The following SEC61A2 variants were observed in gnomAD, a reference collection of about 807,000 sequenced individuals.
The protein encoded by SEC61A2 is SEC61 translocon subunit alpha 2.
SEC61A2 carries 28 observed loss-of-function variants against 59.9 expected under a neutral mutation model. The observed-to-expected ratio is 0.47, with a 90% confidence interval of 0.35 to 0.64. The LOEUF (loss-of-function observed/expected upper bound fraction) is 0.64. SEC61A2 is among the 30% of genes least tolerant of loss of function. The pLI, the probability that SEC61A2 is intolerant of heterozygous loss-of-function variation, is 0.01. For synonymous variants in SEC61A2, 202 were observed against 214.4 expected, an observed-to-expected ratio of 0.94 and a Z score of 0.50; for missense variants, 340 against 585.9, an observed-to-expected ratio of 0.58 and a Z score of 4.33.
Position 12,158,713 on chromosome 10 carries a change from G to C in SEC61A2, c.975+608G>C, listed in dbSNP as rs1194978047. 2.0e-5 allele frequency among the ~76,000 whole-genome samples: 3 copies of C among 152,214 alleles called. No individual in the cohort carries two copies. The highest frequency in any genetic ancestry group is 2.1e-4 in the South Asian group (1 of 4,814). On this transcript the variant is annotated intron_variant, in intron 9 of 11. Coordinates refer to ENST00000298428, the MANE Select transcript of SEC61A2 (RefSeq NM_018144.4). This position sits in a 1 kb window ranked among gnomAD's most constrained non-coding sequence, Gnocchi z 5.7. ...CCACTGCACTCCAGCCTGGGCGACA[G>C]AACGAGACTCCGTCTCCAAAAAATA...
rs973813143 is a variant in SEC61A2, at chr10:12,152,849, C to A, written c.462+2888C>A. On this transcript the variant is annotated intron_variant, in intron 6 of 11. Coordinates refer to ENST00000298428, the MANE Select transcript of SEC61A2 (RefSeq NM_018144.4). The surrounding 1 kb of genome is among the most constrained non-coding windows in gnomAD (Gnocchi z 5.5). ...TGAGCTGAGATTGCACCACTGCACT[C>A]CAGCCTGGCGACAGAGCGGGACTCC... is the stretch of plus-strand genomic sequence containing the variant. Among the ~76,000 whole-genome samples, 3 of 152,096 alleles carry A rather than the reference C, an allele frequency of 2.0e-5. No homozygotes were observed. Among genetic ancestry groups the A allele is most frequent in the African/African-American group, 7.2e-5 (3 of 41,420 alleles).
Position 12,156,855 on chromosome 10 carries a change from G to T in SEC61A2, c.617-52G>T, listed in dbSNP as rs923212175. 1 of 1,577,980 alleles carries T rather than the reference G, an allele frequency of 6.3e-7. No homozygotes were observed. Among genetic ancestry groups the T allele is most frequent in the Admixed American group, 2.0e-5 (1 of 50,554 alleles). On this transcript the variant is annotated intron_variant, in intron 7 of 11. Transcript: ENST00000298428. This position sits in a 1 kb window ranked among gnomAD's most constrained non-coding sequence, Gnocchi z 5.2. The stretch of plus-strand genomic sequence containing the variant: ...TTTCACGGTTAGTTGTTTGAGCTTT[G>T]GGACAGCTTTGGACGATGAGTCCAC...
chr10:12,140,432 A>G (rs1470584372), intron 3 of SEC61A2, among the ~76,000 whole-genome samples: 2 of 152,190 alleles, frequency 1.3e-5, no homozygotes, highest in South Asian at 2.1e-4. Flanking sequence ...TCCTCTAGCT[A>G]TGGAATTTAC....
Position 12,142,555 on chromosome 10 carries a change from C to T in SEC61A2, c.142-562C>T, listed in dbSNP as rs373259518. ...TATAGAGCTTTGCAAAATCATTCTACGACCAGGCAGGTATAATATTCCATA... is the reference window on the plus strand; with the variant it reads ...TATAGAGCTTTGCAAAATCATTCTATGACCAGGCAGGTATAATATTCCATA... On this transcript the variant is annotated intron_variant, in intron 3 of 11. Transcript: ENST00000298428. The surrounding 1 kb of genome is among the most constrained non-coding windows in gnomAD (Gnocchi z 5.4). 50 of 974,228 alleles carry T rather than the reference C, an allele frequency of 5.1e-5. No individual in the cohort carries two copies. The East Asian group carries it at 9.1e-4, about 18-fold the overall frequency. 60.3% of individuals were successfully genotyped at this position (974,228 alleles called of 1,614,324 possible).
chr10:12,133,876 T>C (rs1468626371), intron 2 of SEC61A2, among the ~76,000 whole-genome samples: 2 of 152,254 alleles, frequency 1.3e-5, no homozygotes, highest in Non-Finnish European at 2.9e-5. Flanking sequence ...TCTGGAAATA[T>C]TGTTAATCCT....
At chr10:12,138,252 G>A (rs1027104537) in intron 3 of SEC61A2, among the ~76,000 whole-genome samples, 7 of 151,822 alleles carry the variant, frequency 4.6e-5, no homozygotes, top group African/African-American at 1.7e-4. Flanking sequence ...TGTTTTAAAT[G>A]GTCAGGGAGA....
At position 12,160,289 on chromosome 10, in the gene SEC61A2, T is replaced by A. The variant is rs2131680570; in HGVS notation, c.976-641T>A. On this transcript the variant is annotated intron_variant, in intron 9 of 11. Coordinates refer to ENST00000298428, the MANE Select transcript of SEC61A2 (RefSeq NM_018144.4). The surrounding 1 kb of genome is among the most constrained non-coding windows in gnomAD (Gnocchi z 4.1). ...CAGTAAAGAAATCATTGGGCAGTCATAAATTCAAGAACCAGATACTGTAAT... is the reference window on the plus strand; with the variant it reads ...CAGTAAAGAAATCATTGGGCAGTCAAAAATTCAAGAACCAGATACTGTAAT... 6.6e-6 allele frequency among the ~76,000 whole-genome samples: 1 copy of A among 152,310 alleles called. No homozygotes were observed.
chr10:12,165,599 C>T (rs1834653969), downstream of SEC61A2: 1 of 153,498 alleles, frequency 6.5e-6, no homozygotes, highest in Non-Finnish European at 1.4e-5. Flanking sequence ...ACAGTGGTCT[C>T]AAAACAACAA....
In SEC61A2 at chr10:12,155,673, C is replaced by CT; in HGVS notation, c.463-103dup. 1 of 1,330,138 alleles carries CT rather than the reference C, an allele frequency of 7.5e-7. No homozygotes were observed. The highest frequency in any genetic ancestry group is 1.3e-5 in the South Asian group (1 of 77,592). 82.4% of individuals were successfully genotyped at this position (1,330,138 alleles called of 1,614,324 possible). A position where few individuals can be genotyped will look rare whatever the true frequency, so the allele number is the denominator to read the frequency against. On this transcript the variant is annotated intron_variant, in intron 6 of 11. Coordinates refer to ENST00000298428, the MANE Select transcript of SEC61A2 (RefSeq NM_018144.4). The surrounding 1 kb of genome is among the most constrained non-coding windows in gnomAD (Gnocchi z 4.3). ...CACAGTGAGATTGCAACGATCAGGC[C>CT]TTAATATTCAAAACGCCCCTAGCTT... is the stretch of plus-strand genomic sequence containing the variant.
rs1385533553 is a variant in SEC61A2 at position 12,129,806 on chromosome 10, C to T, written c.7+12C>T. 3.5e-6 allele frequency: 5 copies of T among 1,425,046 alleles called. No homozygotes were observed. In the African/African-American group the frequency reaches 5.9e-5, roughly 17 times the overall value. 88.3% of individuals were successfully genotyped at this position (1,425,046 alleles called of 1,614,324 possible). On this transcript the variant is annotated intron_variant, in intron 1 of 11. Transcript: ENST00000298428. The surrounding 1 kb of genome is among the most constrained non-coding windows in gnomAD (Gnocchi z 5.6). ...AGCAGCCATGGGCAGTGAGTAGCGG[C>T]GGCTGGAGCGGGGACTCTGGCTGGG...
Position 12,161,249 on chromosome 10 carries a change from G to A in SEC61A2, c.1167+128G>A. ...CCTCAGGAGTTTTGAGACCAGCCTG[G>A]GCAACATAGCGAGACCCCGTCATGA... On this transcript the variant is annotated intron_variant, in intron 10 of 11. Transcript: ENST00000298428. The surrounding 1 kb of genome is among the most constrained non-coding windows in gnomAD (Gnocchi z 5.4). 1.5e-6 allele frequency: 1 copy of A among 679,866 alleles called. No individual in the cohort carries two copies. The allele number at this position is 679,866 out of a possible 1,614,324, so 42.1% of individuals were successfully genotyped here. A position where few individuals can be genotyped will look rare whatever the true frequency, so the allele number is the denominator to read the frequency against.
At chr10:12,166,705 ACTGGAAAGTC>A (rs758402653), downstream of SEC61A2, 6 of 509,424 alleles carry the variant, frequency 1.2e-5, no homozygotes, top group Admixed American at 1.3e-4. Flanking sequence ...TGGGGGCCAG[ACTGGAAAGTC>A]CTGGAAAATC....
At position 12,164,404 on chromosome 10, in the gene SEC61A2, T is replaced by C; in HGVS notation, c.1381T>C (p.Phe461Leu). 6.2e-7 allele frequency: 1 copy of C among 1,614,092 alleles called. No homozygotes were observed. Among genetic ancestry groups the C allele is most frequent in the Non-Finnish European group, 8.5e-7 (1 of 1,179,982 alleles). Residue 461 changes from phenylalanine (F) to leucine (L), a missense_variant, in exon 12 of 12, where the codon TTT becomes CTT. Around this residue, in one of 3 missense-constraint regions of SEC61A2, gnomAD observed 283 missense variants for 483.2 expected, o/e 0.59. Transcript: ENST00000298428. The surrounding 1 kb of genome is among the most constrained non-coding windows in gnomAD (Gnocchi z 7.3). ...TATTATTTACCAGTATTTTGAAATA[T>C]TTGTTAAAGAACAGGCCGAAGTTGG... ...VTIIYQYFEI[F>L]VKEQAEVGGM...
At chr10:12,134,650 G>A (rs932081646) in intron 2 of SEC61A2, among the ~76,000 whole-genome samples, 4 of 152,126 alleles carry the variant, frequency 2.6e-5, no homozygotes, top group Admixed American at 6.6e-5. Context: ...ATCTAGGCCC[G>A]GCACAGTGAC....
chr10:12,137,132 C>G (rs986686946), intron 3 of SEC61A2, among the ~76,000 whole-genome samples: 18 of 152,088 alleles, frequency 1.2e-4, no homozygotes, highest in African/African-American at 3.9e-4. Context: ...TCTCCAGCTC[C>G]TAGGCTCAGG....
downstream of SEC61A2, chr10:12,166,800 G>A (rs967446686): frequency 6.3e-6 from 3 of 477,366 alleles, no homozygotes; most frequent in Non-Finnish European, 1.3e-5. Flanking sequence ...AAATGGCCCA[G>A]GAACACTGGT....
chr10:12,136,143 G>A lies in SEC61A2; in HGVS notation c.114G>A (p.Thr38=), dbSNP rs201216126. The change falls in exon 3 of 12, where the codon ACG becomes ACA. Residue 38 remains threonine (T), a synonymous_variant. Coordinates refer to ENST00000298428, the MANE Select transcript of SEC61A2 (RefSeq NM_018144.4). Reference sequence around the variant, plus strand: ...AGAAGGTTCTGTGGACTGCTATAACGCTCTTCATTTTCTTAGTGTGTTGTC... The same window carrying A: ...AGAAGGTTCTGTGGACTGCTATAACACTCTTCATTTTCTTAGTGTGTTGTC... The part of the protein sequence containing the change: ...FREKVLWTAI[T]LFIFLVCCQI... 3.3e-4 allele frequency: 523 copies of A among 1,600,656 alleles called. 1 individual carries two copies. The highest frequency in any genetic ancestry group is 4.0e-4 in the Non-Finnish European group (467 of 1,167,936).
intron 6 of SEC61A2, among the ~76,000 whole-genome samples, chr10:12,150,965 G>A (rs1834257596): frequency 6.6e-6 from 1 of 151,868 alleles, no homozygotes; most frequent in African/African-American, 2.4e-5. Context: ...TAATAGAGAC[G>A]GGGGTTTCAC....
At chr10:12,157,315 C>G (rs1322292131) in intron 8 of SEC61A2, among the ~76,000 whole-genome samples, 1 of 152,046 alleles carries the variant, frequency 6.6e-6, no homozygotes, top group African/African-American at 2.4e-5. Context: ...GGCAGAACGT[C>G]TTTGTTAGCA....
Sources: allele counts gnomAD v4.1 joint callset (sites outside exome capture counted in the v4.1 genomes callset), GRCh38; gene constraint gnomAD v4.1.1; regional missense constraint gnomAD v4.1.1; non-coding constraint Gnocchi (gnomAD v3.1); transcripts MANE v1.5; gene names NCBI Gene and HGNC (gene_info 2026-07-23, HGNC 2026-07-21).